STXBP5L: variants seen among roughly 807,000 people sequenced by gnomAD.
The protein encoded by STXBP5L is syntaxin-binding protein 5-like.
In STXBP5L, 65 loss-of-function variants were observed where a neutral mutation model predicts 144.5. The observed-to-expected ratio is 0.45, with a 90% CI of 0.37 to 0.55. The LOEUF is 0.55. Ranked by LOEUF, STXBP5L falls within the 20% of genes least tolerant of loss-of-function variation. The pLI, the probability that STXBP5L is intolerant of heterozygous loss-of-function variation, is 0.00. For missense variants in STXBP5L, 1,298 were observed against 1,405.5 expected, an observed-to-expected ratio of 0.92 and a Z score of 1.22; for synonymous variants, 505 against 469.6, an observed-to-expected ratio of 1.08 and a Z score of -0.97.
intron 5 of STXBP5L, among the ~76,000 whole-genome samples, chr3:121,075,500 G>A (rs1055476867): frequency 3.9e-5 from 6 of 152,116 alleles, no homozygotes; most frequent in African/African-American, 1.4e-4. Context: ...GTATAAGCTT[G>A]GTAATATGCC....
chr3:120,958,080 C>T lies in STXBP5L; in HGVS notation c.287+3043C>T, dbSNP rs187898518. 7.9e-3 allele frequency among the ~76,000 whole-genome samples: 1,196 copies of T among 152,156 alleles called. 13 individuals carry two copies. Among genetic ancestry groups the T allele is most frequent in the African/African-American group, 0.028 (1,153 of 41,496 alleles). ...ATAAAAAGTGATAAAGGGGATATCA[C>T]CACCGATCCTGCAGAAATACAAACT... On this transcript the variant is annotated intron_variant, in intron 3 of 26. Coordinates refer to ENST00000471454, the MANE Select transcript of STXBP5L (RefSeq NM_001308330.2).
intron 3 of STXBP5L, among the ~76,000 whole-genome samples, chr3:120,977,509 C>A (rs1157985667): frequency 6.6e-6 from 1 of 152,154 alleles, no homozygotes; most frequent in Non-Finnish European, 1.5e-5. Context: ...ATTTGGCAGT[C>A]TGTGTCTTTT....
intron 20 of STXBP5L, among the ~76,000 whole-genome samples, chr3:121,356,426 A>G (rs2045516503): frequency 5.9e-5 from 9 of 152,202 alleles, no homozygotes; most frequent in Admixed American, 5.9e-4. Context: ...CCAGGCTGCC[A>G]CCTCACAGCT....
intron 20 of STXBP5L, among the ~76,000 whole-genome samples, chr3:121,335,030 A>G (rs9853185): frequency 0.048 from 7,297 of 152,268 alleles, 471 homozygotes; most frequent in African/African-American, 0.14. Context: ...CTGTTTGCAG[A>G]TGACATGATT....
intron 3 of STXBP5L, among the ~76,000 whole-genome samples, chr3:121,033,618 GT>G (rs1299947403): frequency 2.0e-5 from 3 of 150,452 alleles, no homozygotes; most frequent in Non-Finnish European, 4.4e-5. Flanking sequence ...ATAAATTCGT[GT>G]GTTTTTTATG....
chr3:121,421,591 G>A lies in STXBP5L; in HGVS notation c.*2494G>A, dbSNP rs958132768. 1 of 152,168 alleles carries A rather than the reference G, an allele frequency of 6.6e-6. No homozygotes were observed. The highest frequency in any genetic ancestry group is 2.4e-5 in the African/African-American group (1 of 41,444). The allele number at this position is 152,168 out of a possible 1,614,324, so 9.4% of individuals were successfully genotyped here. On this transcript the variant is annotated 3_prime_UTR_variant, in exon 27 of 27. Coordinates refer to ENST00000471454, the MANE Select transcript of STXBP5L (RefSeq NM_001308330.2). Reference sequence around the variant, plus strand: ...GTTGTTGTATAAAACTGTACAATAAGTATACAATGTCTTAGCAAGATAAAT... The same window carrying A: ...GTTGTTGTATAAAACTGTACAATAAATATACAATGTCTTAGCAAGATAAAT...
At chr3:121,288,648 A>C (rs1173894833) in intron 19 of STXBP5L, among the ~76,000 whole-genome samples, 4 of 152,168 alleles carry the variant, frequency 2.6e-5, no homozygotes, top group Non-Finnish European at 5.9e-5. Flanking sequence ...TTCTTTAGAA[A>C]GGTGTCTATT....
At chr3:121,391,687 C>A (rs552050725) in intron 22 of STXBP5L, among the ~76,000 whole-genome samples, 3 of 152,172 alleles carry the variant, frequency 2.0e-5, no homozygotes, top group Admixed American at 1.3e-4. Context: ...CACTCCAGAC[C>A]CTGTTTGCCT....
chr3:120,995,417 G>T (rs1301531983), intron 3 of STXBP5L, among the ~76,000 whole-genome samples: 1 of 152,100 alleles, frequency 6.6e-6, no homozygotes, highest in Non-Finnish European at 1.5e-5. Context: ...CAAATATCTA[G>T]AATTACAGGC....
intron 2 of STXBP5L, among the ~76,000 whole-genome samples, chr3:120,944,153 T>A (rs1710721616): frequency 6.6e-6 from 1 of 151,148 alleles, no homozygotes; most frequent in Admixed American, 6.6e-5. Flanking sequence ...CTTGTATGTG[T>A]AATGGGGGTA....
intron 7 of STXBP5L, among the ~76,000 whole-genome samples, chr3:121,137,435 G>A (rs2045311421): frequency 6.6e-6 from 1 of 152,002 alleles, no homozygotes; most frequent in African/African-American, 2.4e-5. Flanking sequence ...AAGCCTAGAA[G>A]AAATAGATAA....
intron 2 of STXBP5L, among the ~76,000 whole-genome samples, chr3:120,929,473 A>T (rs140079474): frequency 5.5e-4 from 83 of 151,834 alleles, no homozygotes; most frequent in African/African-American, 1.9e-3. Context: ...GTTGTTAAGG[A>T]TTTTTTTCTT....
chr3:121,233,985 C>T (rs2049388880), intron 12 of STXBP5L, among the ~76,000 whole-genome samples: 1 of 152,128 alleles, frequency 6.6e-6, no homozygotes, highest in African/African-American at 2.4e-5. Flanking sequence ...ATTATGAAAA[C>T]TTGTACAATG....
intron 6 of STXBP5L, among the ~76,000 whole-genome samples, chr3:121,118,850 A>C (rs541804630): frequency 7.5e-4 from 114 of 151,694 alleles, no homozygotes; most frequent in African/African-American, 2.6e-3. Context: ...AAAGTGCAAG[A>C]GGTTGAGTAG....
Position 121,164,483 on chromosome 3 carries a change from G to T in STXBP5L, c.877+6856G>T, listed in dbSNP as rs1410921431. ...TATGGAAAACTAATAGGGTATGGAG[G>T]TTCCTAAATAAATTAAAAATAGAAC... is the stretch of plus-strand genomic sequence containing the variant. On this transcript the variant is annotated intron_variant, in intron 9 of 26. Coordinates refer to ENST00000471454, the MANE Select transcript of STXBP5L (RefSeq NM_001308330.2). Among the ~76,000 whole-genome samples, 3 of 152,100 alleles carry T rather than the reference G, an allele frequency of 2.0e-5. No homozygotes were observed. The East Asian group carries it at 5.8e-4, about 29-fold the overall frequency.
At chr3:121,058,909 C>G (rs961734839) in intron 5 of STXBP5L, among the ~76,000 whole-genome samples, 4 of 152,064 alleles carry the variant, frequency 2.6e-5, no homozygotes, top group African/African-American at 9.7e-5. Flanking sequence ...AAATGTTCTC[C>G]CATTCTGTGG....
chr3:121,237,478 A>G (rs954595309), intron 12 of STXBP5L, among the ~76,000 whole-genome samples: 3 of 152,302 alleles, frequency 2.0e-5, no homozygotes, highest in African/African-American at 4.8e-5. Flanking sequence ...GGTGGCCTCA[A>G]AGATTTCTGA....
At chr3:121,329,021 C>T (rs1185959868) in intron 20 of STXBP5L, among the ~76,000 whole-genome samples, 1 of 151,742 alleles carries the variant, frequency 6.6e-6, no homozygotes, top group Non-Finnish European at 1.5e-5. Context: ...TATATACACA[C>T]ATATATATAA....
intron 2 of STXBP5L, chr3:120,925,216 C>T (rs1270155156): frequency 3.9e-5 from 6 of 152,222 alleles, no homozygotes; most frequent in African/African-American, 9.7e-5. Context: ...ACAATGTCCA[C>T]ACTTCTGGAG....
Sources: gnomAD v4.1 joint callset for allele counts (sites outside exome capture counted in the v4.1 genomes callset) on GRCh38, gnomAD v4.1.1 for gene constraint, MANE v1.5 for transcripts, NCBI Gene and HGNC (gene_info 2026-07-23, HGNC 2026-07-21) for gene names.